ITGBL1: variants seen among roughly 807,000 people sequenced by gnomAD.
ITGBL1 encodes integrin beta-like protein 1.
ITGBL1 carries 51 observed loss-of-function variants against 68.5 expected under a neutral mutation model. The observed-to-expected ratio is 0.74, with a 90% CI of 0.59 to 0.94. The LOEUF is 0.94. Among genes scored for constraint, ITGBL1 ranks in the 40% least tolerant of loss-of-function variants. The probability of loss-of-function intolerance (pLI) is 0.00; values close to 1 mark genes in which losing one functional copy is unlikely to be tolerated. For missense variants in ITGBL1, 649 were observed against 647.4 expected (o/e 1.00, Z -0.03); for synonymous variants, 209 against 227.3 (o/e 0.92, Z 0.72).
Position 101,558,083 on chromosome 13 carries a change from C to CAA in ITGBL1, c.317-9584_317-9583dup, listed in dbSNP as rs568103738. 1.0e-3 allele frequency among the ~76,000 whole-genome samples: 73 copies of CAA among 71,670 alleles called. 1 individual carries two copies. Among genetic ancestry groups the CAA allele is most frequent in the Non-Finnish European group, 1.6e-3 (65 of 39,908 alleles). 47.0% of individuals were successfully genotyped at this position (71,670 alleles called of 152,430 possible). A position where few individuals can be genotyped will look rare whatever the true frequency, so the allele number is the denominator to read the frequency against. On this transcript the variant is annotated intron_variant, in intron 2 of 10. Transcript: ENST00000376180. Reference sequence around the variant, plus strand: ...TGGGAGACAGAGCAAAACTCCGTCTCAAAAAAAAAAAAAAAAAAAAAAAAA... The same window carrying CAA: ...TGGGAGACAGAGCAAAACTCCGTCTCAAAAAAAAAAAAAAAAAAAAAAAAAAA...
intron 2 of ITGBL1, among the ~76,000 whole-genome samples, chr13:101,467,621 G>T (rs1009203004): frequency 6.6e-6 from 1 of 152,058 alleles, no homozygotes; most frequent in Non-Finnish European, 1.5e-5. Flanking sequence ...CTTACTTAAG[G>T]CTGGGTAGAA....
chr13:101,561,051 G>A (rs1035892579), intron 2 of ITGBL1, among the ~76,000 whole-genome samples: 1 of 152,168 alleles, frequency 6.6e-6, no homozygotes, highest in Non-Finnish European at 1.5e-5. Flanking sequence ...CCCCAAATCT[G>A]GAGATAGATA....
intron 7 of ITGBL1, among the ~76,000 whole-genome samples, chr13:101,673,608 C>G (rs2033429222): frequency 6.6e-6 from 1 of 152,204 alleles, no homozygotes; most frequent in African/African-American, 2.4e-5. Flanking sequence ...CAGTTGCTTT[C>G]AAGCCTAGGT....
chr13:101,523,357 C>A (rs1005017463), intron 2 of ITGBL1, among the ~76,000 whole-genome samples: 1 of 152,106 alleles, frequency 6.6e-6, no homozygotes, highest in Non-Finnish European at 1.5e-5. Flanking sequence ...TGTGAGAGTC[C>A]GCCTCCAAGT....
In ITGBL1 at chr13:101,657,170, G is replaced by A. The variant is rs185846485; in HGVS notation, c.1016-35415G>A. 6.8e-3 allele frequency among the ~76,000 whole-genome samples: 1,039 copies of A among 152,182 alleles called. 4 individuals are homozygous for A. Among genetic ancestry groups the A allele is most frequent in the Non-Finnish European group, 8.2e-3 (556 of 68,008 alleles). ...ACAGTGTGCATTGTGTTTTAAGTTT[G>A]AATATGAATGTAACTGCTACATGTA... On this transcript the variant is annotated intron_variant, in intron 7 of 10. Coordinates refer to ENST00000376180, the MANE Select transcript of ITGBL1 (RefSeq NM_004791.3).
chr13:101,476,478 C>T (rs1173281111), intron 2 of ITGBL1, among the ~76,000 whole-genome samples: 5 of 151,806 alleles, frequency 3.3e-5, no homozygotes, highest in Non-Finnish European at 7.4e-5. Flanking sequence ...AAGATTAAGT[C>T]TTTACTTATT....
intron 7 of ITGBL1, among the ~76,000 whole-genome samples, chr13:101,627,699 G>A (rs979259437): frequency 6.6e-6 from 1 of 152,138 alleles, no homozygotes; most frequent in Admixed American, 6.6e-5. Context: ...GTGTCATACA[G>A]TGTGTAGGCT....
chr13:101,555,790 TTGTC>T (rs1306737675), intron 2 of ITGBL1, among the ~76,000 whole-genome samples: 1 of 152,146 alleles, frequency 6.6e-6, no homozygotes, highest in Non-Finnish European at 1.5e-5. Context: ...GTTAGTAGGT[TTGTC>T]TGTTAGTTTT....
chr13:101,604,398 A>G (rs1345048087), intron 7 of ITGBL1, among the ~76,000 whole-genome samples: 1 of 151,942 alleles, frequency 6.6e-6, no homozygotes, highest in Non-Finnish European at 1.5e-5. Context: ...GTAAATGTAT[A>G]GAATTATGAT....
At chr13:101,601,494 C>G (rs980021667) in intron 7 of ITGBL1, among the ~76,000 whole-genome samples, 2 of 152,078 alleles carry the variant, frequency 1.3e-5, no homozygotes, top group Non-Finnish European at 1.5e-5. Context: ...AGTGTGTTTG[C>G]TCTTGCTTCT....
At chr13:101,506,449 C>A (rs535011558) in intron 2 of ITGBL1, among the ~76,000 whole-genome samples, 2 of 152,046 alleles carry the variant, frequency 1.3e-5, no homozygotes, top group African/African-American at 2.4e-5. Flanking sequence ...TTGTTCATAG[C>A]GACTCTGAAA....
chr13:101,707,404 TATTTA>T (rs1238431301), intron 9 of ITGBL1, among the ~76,000 whole-genome samples: 11 of 152,082 alleles, frequency 7.2e-5, no homozygotes, highest in Non-Finnish European at 1.5e-5. Flanking sequence ...GGAGACAAAA[TATTTA>T]ATTTAGTTTA....
At chr13:101,604,887 T>TATATATACACATACATACAC in intron 7 of ITGBL1, among the ~76,000 whole-genome samples, 10 of 22,162 alleles carry the variant, frequency 4.5e-4, no homozygotes, top group African/African-American at 1.5e-3. Context: ...TATATATATA[T>TATATATACACATACATACAC]ACACACACAC....
chr13:101,493,686 A>G (rs1444472425), intron 2 of ITGBL1, among the ~76,000 whole-genome samples: 1 of 152,172 alleles, frequency 6.6e-6, no homozygotes, highest in East Asian at 1.9e-4. Flanking sequence ...TGATGACAAA[A>G]TGTCCTTGCA....
chr13:101,548,432 C>A (rs765012474), intron 2 of ITGBL1, among the ~76,000 whole-genome samples: 3 of 151,780 alleles, frequency 2.0e-5, no homozygotes, highest in Non-Finnish European at 4.4e-5. Context: ...GATTGAAAAG[C>A]TATTTAACAA....
chr13:101,472,498 TG>T (rs1212191859), intron 2 of ITGBL1, among the ~76,000 whole-genome samples: 4 of 152,348 alleles, frequency 2.6e-5, no homozygotes, highest in Admixed American at 1.3e-4. Flanking sequence ...TAGAATTTCT[TG>T]AGAACTTCAA....
At chr13:101,658,286 T>G (rs990085117) in intron 7 of ITGBL1, among the ~76,000 whole-genome samples, 1 of 152,216 alleles carries the variant, frequency 6.6e-6, no homozygotes, top group Non-Finnish European at 1.5e-5. Flanking sequence ...ATATTTGTTA[T>G]AATTTTAGAT....
At chr13:101,670,419 T>G (rs2033329050) in intron 7 of ITGBL1, among the ~76,000 whole-genome samples, 1 of 152,222 alleles carries the variant, frequency 6.6e-6, no homozygotes, top group East Asian at 1.9e-4. Context: ...ACAAAAATTT[T>G]GTGTTTTATC....
intron 2 of ITGBL1, among the ~76,000 whole-genome samples, chr13:101,478,491 A>G (rs1594834170): frequency 6.6e-6 from 1 of 152,030 alleles, no homozygotes; most frequent in Non-Finnish European, 1.5e-5. Context: ...AGACAATCAG[A>G]TAAGAAAAAG....
Sources: gnomAD v4.1 joint callset for allele counts (sites outside exome capture counted in the v4.1 genomes callset) on GRCh38, gnomAD v4.1.1 for gene constraint, MANE v1.5 for transcripts, NCBI Gene and HGNC (gene_info 2026-07-23, HGNC 2026-07-21) for gene names.